Variants in FSTL4 observed in about 807,000 individuals in gnomAD.
The protein encoded by FSTL4 is follistatin like 4.
Under a neutral mutation model 78.2 loss-of-function variants are expected in FSTL4, and 28 were observed. The ratio of observed to expected loss-of-function variants is 0.36; its 90% CI spans 0.27 to 0.49. The LOEUF (loss-of-function observed/expected upper bound fraction) is 0.49, where lower values mean the gene tolerates loss of function less well. Ranked by LOEUF, FSTL4 falls within the 20% of genes least tolerant of loss-of-function variation. The probability of loss-of-function intolerance (pLI) is 0.98; values close to 1 mark genes in which losing one functional copy is unlikely to be tolerated. For missense variants in FSTL4, 922 were observed against 1,084.9 expected (o/e 0.85, Z 2.11); for synonymous variants, 422 against 440.5 (o/e 0.96, Z 0.53).
intron 6 of FSTL4, among the ~76,000 whole-genome samples, chr5:133,252,584 G>A (rs1030881297): frequency 6.6e-6 from 1 of 151,804 alleles, no homozygotes; most frequent in Non-Finnish European, 1.5e-5. Flanking sequence ...AAGGGCTCTG[G>A]GTACATAGAG....
intron 2 of FSTL4, among the ~76,000 whole-genome samples, chr5:133,574,013 A>C (rs1760220338): frequency 6.6e-6 from 1 of 152,240 alleles, no homozygotes; most frequent in Non-Finnish European, 1.5e-5. Context: ...GAGGATGTGA[A>C]AAGCAAACCA....
At position 133,384,589 on chromosome 5, in the gene FSTL4, C is replaced by T. The variant is rs116465639; in HGVS notation, c.409+16149G>A. On this transcript the variant is annotated intron_variant, in intron 4 of 15. Coordinates refer to ENST00000265342, the MANE Select transcript of FSTL4 (RefSeq NM_015082.2). Reference sequence around the variant, plus strand: ...CTGACTGTATTTTTCCTAAGTGATTCTCCGGTCTGCCCACTCCCCCGATTC... The same window carrying T: ...CTGACTGTATTTTTCCTAAGTGATTTTCCGGTCTGCCCACTCCCCCGATTC... Among the ~76,000 whole-genome samples, 780 of 152,280 alleles carry T rather than the reference C, an allele frequency of 5.1e-3. 8 individuals carry two copies. The highest frequency in any genetic ancestry group is 0.017 in the African/African-American group (713 of 41,550).
Position 133,548,278 on chromosome 5 carries a change from CAGG to C in FSTL4, c.160+18905_160+18907del, listed in dbSNP as rs1347769780. Among the ~76,000 whole-genome samples the C allele has an allele frequency of 8.9e-3, 1,354 of 152,210 alleles. 19 individuals carry two copies. The highest frequency in any genetic ancestry group is 0.031 in the African/African-American group (1,307 of 41,506). On this transcript the variant is annotated intron_variant, in intron 3 of 15. Coordinates refer to ENST00000265342, the MANE Select transcript of FSTL4 (RefSeq NM_015082.2). Reference sequence around the variant, plus strand: ...ATTTATAGTCAGTAGGTCAGAAATGCAGGTGACTTGGGGGAACCCTGAACCTAT... The same window carrying C: ...ATTTATAGTCAGTAGGTCAGAAATGCTGACTTGGGGGAACCCTGAACCTAT...
the FSTL4 span, among the ~76,000 whole-genome samples, chr5:133,763,793 C>G: frequency 6.6e-6 from 1 of 152,208 alleles, no homozygotes; most frequent in African/African-American, 2.4e-5. Context: ...TGAGGTACCC[C>G]AAGGGCAAGA....
At chr5:133,395,019 T>C (rs1755971496) in intron 4 of FSTL4, among the ~76,000 whole-genome samples, 1 of 152,124 alleles carries the variant, frequency 6.6e-6, no homozygotes. Context: ...AGCTCAGGGA[T>C]TGTAAACACA....
the FSTL4 span, among the ~76,000 whole-genome samples, chr5:133,670,277 T>C: frequency 0.028 from 4,202 of 152,222 alleles, 198 homozygotes; most frequent in African/African-American, 0.095. Context: ...AGAAACTGAG[T>C]CTGTTCAAAT....
At chr5:133,269,838 G>T (rs897340476) in intron 6 of FSTL4, among the ~76,000 whole-genome samples, 27 of 152,206 alleles carry the variant, frequency 1.8e-4, no homozygotes, top group Non-Finnish European at 3.7e-4. Context: ...TATGAATATG[G>T]GTTTGGTGAA....
At chr5:133,686,086 C>A in the FSTL4 span, among the ~76,000 whole-genome samples, 1 of 152,148 alleles carries the variant, frequency 6.6e-6, no homozygotes, top group Non-Finnish European at 1.5e-5. Flanking sequence ...TTTGTTTTCT[C>A]CCCTGATGTC....
At chr5:133,219,766 G>T (rs1751032499) in intron 12 of FSTL4, among the ~76,000 whole-genome samples, 1 of 152,216 alleles carries the variant, frequency 6.6e-6, no homozygotes, top group African/African-American at 2.4e-5. Flanking sequence ...ATTTGAGAGA[G>T]TCCCTCCAAG....
the FSTL4 span, among the ~76,000 whole-genome samples, chr5:133,799,358 A>G: frequency 7.2e-6 from 1 of 138,664 alleles, no homozygotes; most frequent in Non-Finnish European, 1.6e-5. Flanking sequence ...AGCTAGTTTC[A>G]GCAGAAAAGA....
intron 4 of FSTL4, among the ~76,000 whole-genome samples, chr5:133,336,333 G>A (rs1754462052): frequency 6.6e-6 from 1 of 152,256 alleles, no homozygotes; most frequent in Non-Finnish European, 1.5e-5. Context: ...ACGCTGAGGT[G>A]TGAAGTGGGT....
chr5:133,831,869 A>C, the FSTL4 span, among the ~76,000 whole-genome samples: 1 of 152,180 alleles, frequency 6.6e-6, no homozygotes, highest in Non-Finnish European at 1.5e-5. Context: ...TGGGATTCGC[A>C]AGCTGGCTCT....
At chr5:133,386,835 T>C (rs1755711138) in intron 4 of FSTL4, among the ~76,000 whole-genome samples, 1 of 152,186 alleles carries the variant, frequency 6.6e-6, no homozygotes, top group Admixed American at 6.5e-5. Flanking sequence ...GGGGACTTTC[T>C]TCCTTTGTAA....
At chr5:133,305,819 G>T (rs1326104341) in intron 6 of FSTL4, among the ~76,000 whole-genome samples, 1 of 152,094 alleles carries the variant, frequency 6.6e-6, no homozygotes, top group Non-Finnish European at 1.5e-5. Context: ...CCCTGCCCTG[G>T]TCAGGTTCCT....
the FSTL4 span, among the ~76,000 whole-genome samples, chr5:133,667,605 T>C: frequency 1.1e-3 from 167 of 152,336 alleles, 1 homozygote; most frequent in African/African-American, 3.9e-3. Flanking sequence ...CACTGGCAGC[T>C]CCTCTGCCCA....
the FSTL4 span, among the ~76,000 whole-genome samples, chr5:133,658,306 T>C: frequency 6.6e-6 from 1 of 152,164 alleles, no homozygotes; most frequent in African/African-American, 2.4e-5. Flanking sequence ...GTGAACAGTG[T>C]GCTCTTGATT....
At chr5:133,576,502 G>A (rs569835948) in intron 2 of FSTL4, among the ~76,000 whole-genome samples, 14 of 152,280 alleles carry the variant, frequency 9.2e-5, no homozygotes, top group African/African-American at 3.4e-4. Flanking sequence ...CCAGATCTTC[G>A]TAGACAAAGC....
chr5:133,230,037 G>A (rs183392897), intron 8 of FSTL4, among the ~76,000 whole-genome samples: 1 of 152,338 alleles, frequency 6.6e-6, no homozygotes. Context: ...TGTCTATGGT[G>A]CCTGTCCTTT....
chr5:133,680,437 C>T, the FSTL4 span, among the ~76,000 whole-genome samples: 644 of 152,330 alleles, frequency 4.2e-3, 5 homozygotes, highest in African/African-American at 0.015. Flanking sequence ...AGCCCACTCT[C>T]ATACCCCCTC....
Sources: allele counts gnomAD v4.1 joint callset (sites outside exome capture counted in the v4.1 genomes callset), GRCh38; gene constraint gnomAD v4.1.1; transcripts MANE v1.5; gene names NCBI Gene and HGNC (gene_info 2026-07-23, HGNC 2026-07-21).